Variants in ADRA1B observed in about 807,000 individuals in gnomAD.
ADRA1B encodes the protein alpha-1B adrenergic receptor.
Under a neutral mutation model 17.9 loss-of-function variants are expected in ADRA1B, and 17 were observed. The ratio of observed to expected loss-of-function variants is 0.95; its 90% CI spans 0.65 to 1.42. The LOEUF (loss-of-function observed/expected upper bound fraction) is 1.42, where lower values mean the gene tolerates loss of function less well. Among genes scored for constraint, ADRA1B ranks in the 40% most tolerant of loss-of-function variants. ADRA1B has a pLI of 0.00. For synonymous variants in ADRA1B, 366 were observed against 327.6 expected (o/e 1.12, Z -1.27); for missense variants, 681 against 722.1 (o/e 0.94, Z 0.65).
downstream of ADRA1B, among the ~76,000 whole-genome samples, chr5:159,973,146 G>C (rs1323361327): frequency 6.6e-6 from 1 of 152,206 alleles, no homozygotes; most frequent in African/African-American, 2.4e-5. Context: ...CTCCACCCCA[G>C]AAGAGCCGCT....
intron 1 of ADRA1B, among the ~76,000 whole-genome samples, chr5:159,940,642 G>A (rs1755099212): frequency 6.6e-6 from 1 of 151,942 alleles, no homozygotes; most frequent in Admixed American, 6.6e-5. Flanking sequence ...GCTTTAAGAA[G>A]GATCATTAAA....
At chr5:159,942,909 T>C (rs1581054834) in intron 1 of ADRA1B, among the ~76,000 whole-genome samples, 1 of 152,316 alleles carries the variant, frequency 6.6e-6, no homozygotes, top group East Asian at 1.9e-4. Flanking sequence ...TTATTACATG[T>C]GTAATTAATA....
At chr5:159,898,875 A>G (rs911262968) in intron 1 of ADRA1B, among the ~76,000 whole-genome samples, 4 of 152,200 alleles carry the variant, frequency 2.6e-5, no homozygotes, top group African/African-American at 9.6e-5. Flanking sequence ...GCCAGGAGCA[A>G]TGGTTCATGC....
chr5:159,935,110 A>G (rs1754919245), intron 1 of ADRA1B, among the ~76,000 whole-genome samples: 1 of 152,194 alleles, frequency 6.6e-6, no homozygotes, highest in Admixed American at 6.5e-5. Context: ...AAATTCGATG[A>G]ATGGGCTATG....
chr5:159,868,788 C>T (rs1471335325), intron 1 of ADRA1B: 2 of 152,172 alleles, frequency 1.3e-5, no homozygotes, highest in Non-Finnish European at 2.9e-5. Flanking sequence ...AGTTCATACA[C>T]CTCCAATGAT....
chr5:159,922,137 T>C (rs921524699), intron 1 of ADRA1B, among the ~76,000 whole-genome samples: 1 of 152,198 alleles, frequency 6.6e-6, no homozygotes, highest in Non-Finnish European at 1.5e-5. Flanking sequence ...ACATGGCCCC[T>C]GATTGAAGAA....
chr5:159,919,275 G>A (rs1754412377), intron 1 of ADRA1B, among the ~76,000 whole-genome samples: 1 of 151,940 alleles, frequency 6.6e-6, no homozygotes, highest in African/African-American at 2.4e-5. Context: ...ACCATTGCAG[G>A]GAAGCTTGCT....
rs370373337 is a variant in ADRA1B at position 159,962,352 on chromosome 5, A to G, written c.950-9527A>G. On this transcript the variant is annotated intron_variant, in intron 1 of 1. Transcript: ENST00000306675. ...ATTTCATTTAAAAACTGTCTTTCTCAGGGACCTCAGACTGGTGCTGCCATC... is the reference window on the plus strand; with the variant it reads ...ATTTCATTTAAAAACTGTCTTTCTCGGGGACCTCAGACTGGTGCTGCCATC... Among the ~76,000 whole-genome samples, 36 of 152,118 alleles carry G rather than the reference A, an allele frequency of 2.4e-4. No individual in the cohort carries two copies. The Middle Eastern group carries it at 0.014, about 57-fold the overall frequency.
chr5:159,979,038 C>T, the ADRA1B span, among the ~76,000 whole-genome samples: 1 of 152,150 alleles, frequency 6.6e-6, no homozygotes, highest in African/African-American at 2.4e-5. Context: ...TACAGTCATT[C>T]AAAATGGCCA....
chr5:159,948,281 A>G, intron 1 of ADRA1B: 6 of 985,458 alleles, frequency 6.1e-6, no homozygotes, highest in Non-Finnish European at 7.2e-6. Context: ...ACCTTTTCAC[A>G]CATGCTATGC....
In ADRA1B at chr5:159,866,544, G is replaced by A. The variant is rs747749620; in HGVS notation, c.-256+1338G>A. On this transcript the variant is annotated intron_variant, in intron 1 of 2. Coordinates refer to the ADRA1B transcript ENST00000641205. ...GGAGGTTGGGGTGAGCTGAGATCGC[G>A]CCACTGCATTACAGCCTGGGCAACA... Among the ~76,000 whole-genome samples the A allele has an allele frequency of 4.1e-4, 62 of 150,670 alleles. 1 individual carries two copies. The highest frequency in any genetic ancestry group is 9.9e-4 in the Admixed American group (15 of 15,102).
intron 1 of ADRA1B, among the ~76,000 whole-genome samples, chr5:159,909,583 C>A (rs1456397059): frequency 6.6e-6 from 1 of 152,218 alleles, no homozygotes; most frequent in Non-Finnish European, 1.5e-5. Flanking sequence ...TAACTCACAT[C>A]CCTGTTCAAT....
chr5:159,929,507 C>G (rs146437971), intron 1 of ADRA1B, among the ~76,000 whole-genome samples: 265 of 150,170 alleles, frequency 1.8e-3, no homozygotes, highest in Middle Eastern at 6.9e-3. Flanking sequence ...TATGGACCCT[C>G]TAACTCCAGA....
intron 1 of ADRA1B, among the ~76,000 whole-genome samples, chr5:159,962,511 C>G (rs1289700661): frequency 3.9e-5 from 6 of 152,124 alleles, no homozygotes; most frequent in South Asian, 2.1e-4. Context: ...GGACCTCGCA[C>G]TGGTGCTGCC....
chr5:159,925,953 TA>T (rs1371858070), intron 1 of ADRA1B, among the ~76,000 whole-genome samples: 1 of 152,076 alleles, frequency 6.6e-6, no homozygotes, highest in Non-Finnish European at 1.5e-5. Flanking sequence ...GCCCTAAGGC[TA>T]CTCTCCTCAG....
upstream of ADRA1B, among the ~76,000 whole-genome samples, chr5:159,912,080 G>T (rs1312983156): frequency 1.3e-5 from 2 of 152,142 alleles, no homozygotes; most frequent in African/African-American, 2.4e-5. Flanking sequence ...TGGGCCCAAC[G>T]CCTGGCACCT....
At chr5:159,956,561 A>G (rs976319149) in intron 1 of ADRA1B, among the ~76,000 whole-genome samples, 3 of 152,220 alleles carry the variant, frequency 2.0e-5, no homozygotes, top group African/African-American at 4.8e-5. Flanking sequence ...TAAATGCTAC[A>G]TGATTTCACA....
chr5:159,939,090 C>G (rs1003482813), intron 1 of ADRA1B, among the ~76,000 whole-genome samples: 26 of 152,086 alleles, frequency 1.7e-4, no homozygotes, highest in Admixed American at 1.5e-3. Context: ...ATGTGAGAAG[C>G]GATTAGTCCA....
At chr5:159,977,219 T>C (rs1388609506), downstream of ADRA1B, among the ~76,000 whole-genome samples, 1 of 152,162 alleles carries the variant, frequency 6.6e-6, no homozygotes, top group African/African-American at 2.4e-5. Flanking sequence ...GGTTATAAAC[T>C]TTTCAACAAA....
Sources: allele counts gnomAD v4.1 joint callset (sites outside exome capture counted in the v4.1 genomes callset), GRCh38; gene constraint gnomAD v4.1.1; transcripts MANE v1.5; gene names NCBI Gene and HGNC (gene_info 2026-07-23, HGNC 2026-07-21).